The following SORCS2 variants were observed in gnomAD, a reference collection of about 807,000 sequenced individuals.
SORCS2 encodes sortilin related VPS10 domain containing receptor 2, also known as VPS10 domain-containing receptor SorCS2.
A neutral mutation model predicts 141.6 loss-of-function variants in SORCS2; 100 were observed. The observed-to-expected ratio is 0.71, with a 90% CI of 0.60 to 0.83. The LOEUF (loss-of-function observed/expected upper bound fraction) is 0.83, where lower values mean the gene tolerates loss of function less well. SORCS2 is among the 40% of genes least tolerant of loss of function. The probability of loss-of-function intolerance (pLI) is 0.00; values close to 1 mark genes in which losing one functional copy is unlikely to be tolerated. For missense variants in SORCS2, 1,646 were observed against 1,560.2 expected, an observed-to-expected ratio of 1.05 and a Z score of -0.93; for synonymous variants, 789 against 676.9, an observed-to-expected ratio of 1.17 and a Z score of -2.57.
chr4:7,702,447 C>T (rs111887501), intron 12 of SORCS2, among the ~76,000 whole-genome samples: 2 of 152,214 alleles, frequency 1.3e-5, no homozygotes, highest in African/African-American at 2.4e-5. Flanking sequence ...AGCTGTGAGG[C>T]CTTAGCATAC....
chr4:7,517,595 T>C (rs1161487536), intron 2 of SORCS2, among the ~76,000 whole-genome samples: 1 of 152,228 alleles, frequency 6.6e-6, no homozygotes, highest in African/African-American at 2.4e-5. Flanking sequence ...GAAAATGTTA[T>C]CATTTTGTTC....
intron 1 of SORCS2, among the ~76,000 whole-genome samples, chr4:7,266,834 C>T (rs963679655): frequency 2.0e-5 from 3 of 152,222 alleles, no homozygotes; most frequent in African/African-American, 7.2e-5. Flanking sequence ...AAGCCTAAAA[C>T]ACCAGGGTCA....
At chr4:7,456,715 T>C (rs1304936098) in intron 2 of SORCS2, among the ~76,000 whole-genome samples, 2 of 152,186 alleles carry the variant, frequency 1.3e-5, no homozygotes, top group African/African-American at 2.4e-5. Context: ...CAGAGGGAAC[T>C]GCTGCTCAGT....
At chr4:7,585,037 A>C (rs1716444758) in intron 3 of SORCS2, among the ~76,000 whole-genome samples, 1 of 152,214 alleles carries the variant, frequency 6.6e-6, no homozygotes, top group Admixed American at 6.5e-5. Flanking sequence ...GAGAAAGAGC[A>C]GCCGTTCTGT....
chr4:7,233,819 G>C lies in SORCS2; in HGVS notation c.480+40693G>C, dbSNP rs527435166. 6.6e-6 allele frequency among the ~76,000 whole-genome samples: 1 copy of C among 152,174 alleles called. No individual in the cohort carries two copies. Among genetic ancestry groups the C allele is most frequent in the Non-Finnish European group, 1.5e-5 (1 of 68,038 alleles). On this transcript the variant is annotated intron_variant, in intron 1 of 26. Transcript: ENST00000507866. The surrounding 1 kb of genome is among the most constrained non-coding windows in gnomAD (Gnocchi z 4.5). ...TCCTGTCTGTAAAATGGGTGCCGTGGTGCAAACATCAGAGGGTGGTGGGGA... is the reference window on the plus strand; with the variant it reads ...TCCTGTCTGTAAAATGGGTGCCGTGCTGCAAACATCAGAGGGTGGTGGGGA...
rs533890705 is a variant in SORCS2 at position 7,265,362 on chromosome 4, G to A, written c.480+72236G>A. Among the ~76,000 whole-genome samples the A allele has an allele frequency of 1.1e-3, 164 of 152,298 alleles. 1 individual carries two copies. The highest frequency in any genetic ancestry group is 1.9e-3 in the Non-Finnish European group (129 of 68,026). ...AAAAATTAGCTGGGCATGCTGGTGT[G>A]TGCCTGTGGTCCCAGCTACTCAGGA... is the stretch of plus-strand genomic sequence containing the variant. On this transcript the variant is annotated intron_variant, in intron 1 of 26. Coordinates refer to ENST00000507866, the MANE Select transcript of SORCS2 (RefSeq NM_020777.3).
chr4:7,661,625 C>T lies in SORCS2; in HGVS notation c.952+61C>T, dbSNP rs891792648. On this transcript the variant is annotated intron_variant, in intron 6 of 26. Coordinates refer to ENST00000507866, the MANE Select transcript of SORCS2 (RefSeq NM_020777.3). ...GAGTCACCTCGCACCCGACACAGCT[C>T]GGCTGCACGTGTGTTCAGTCGCTTG... 9.4e-5 allele frequency: 139 copies of T among 1,477,292 alleles called. 1 individual carries two copies. Among genetic ancestry groups the T allele is most frequent in the Middle Eastern group, 3.4e-4 (2 of 5,822 alleles). 91.5% of individuals were successfully genotyped at this position (1,477,292 alleles called of 1,614,324 possible).
chr4:7,290,678 CAT>C (rs1716538696), intron 1 of SORCS2, among the ~76,000 whole-genome samples: 1 of 152,188 alleles, frequency 6.6e-6, no homozygotes, highest in Non-Finnish European at 1.5e-5. Flanking sequence ...TGTATGCACA[CAT>C]GTGCATTATG....
chr4:7,532,000 G>C (rs555696559), intron 3 of SORCS2, among the ~76,000 whole-genome samples: 3 of 152,228 alleles, frequency 2.0e-5, no homozygotes, highest in Non-Finnish European at 2.9e-5. Flanking sequence ...GAGCAGGCCC[G>C]TTCTTCGGAA....
intron 12 of SORCS2, among the ~76,000 whole-genome samples, 152 bp from the exon 13 acceptor site, chr4:7,703,128 C>T (rs1398201082): frequency 6.6e-6 from 1 of 152,126 alleles, no homozygotes; most frequent in Non-Finnish European, 1.5e-5. Context: ...CGGGGATGGC[C>T]CGGGACATGC....
intron 1 of SORCS2, among the ~76,000 whole-genome samples, chr4:7,220,857 G>A (rs763423543): frequency 4.6e-5 from 7 of 152,144 alleles, no homozygotes; most frequent in Admixed American, 1.3e-4. Flanking sequence ...CACACCCCAC[G>A]TTTAATTCCT....
In SORCS2 at chr4:7,304,895, T is replaced by G. The variant is rs147311721; in HGVS notation, c.481-91393T>G. ...AGCATTTCCAATGTTTGGGGCTGGG[T>G]TGTCCTGGGGGCAACGCCACTGAGG... On this transcript the variant is annotated intron_variant, in intron 1 of 26. Transcript: ENST00000507866. 4.9e-3 allele frequency among the ~76,000 whole-genome samples: 754 copies of G among 152,344 alleles called. 6 individuals are homozygous for G. Among genetic ancestry groups the G allele is most frequent in the African/African-American group, 0.017 (711 of 41,584 alleles).
In SORCS2 at chr4:7,431,314, C is replaced by T. The variant is rs958268644; in HGVS notation, c.548+34959C>T. ...CACCCTGACCACCCACTGCAGGTAG[C>T]TCTGGGGTGGGGGCAGGTGGGCTGA... On this transcript the variant is annotated intron_variant, in intron 2 of 26. Transcript: ENST00000507866. 3 of 152,470 alleles carry T rather than the reference C, an allele frequency of 2.0e-5. No homozygotes were observed. The South Asian group carries it at 6.2e-4, about 32-fold the overall frequency. The allele number at this position is 152,470 out of a possible 1,614,324, so 9.4% of individuals were successfully genotyped here.
Position 7,448,259 on chromosome 4 carries a change from G to C in SORCS2, c.548+51904G>C, listed in dbSNP as rs142833473. On this transcript the variant is annotated intron_variant, in intron 2 of 26. Coordinates refer to ENST00000507866, the MANE Select transcript of SORCS2 (RefSeq NM_020777.3). Reference sequence around the variant, plus strand: ...CGCCTGGAGGTGGAACTGCGGCGCAGGGCAAGGGGCATCTCCCACGTCACC... The same window carrying C: ...CGCCTGGAGGTGGAACTGCGGCGCACGGCAAGGGGCATCTCCCACGTCACC... Among the ~76,000 whole-genome samples, 355 of 152,208 alleles carry C rather than the reference G, an allele frequency of 2.3e-3. 1 individual carries two copies. Among genetic ancestry groups the C allele is most frequent in the African/African-American group, 7.9e-3 (328 of 41,522 alleles).
chr4:7,679,613 C>T (rs901141733), intron 9 of SORCS2, among the ~76,000 whole-genome samples: 4 of 152,118 alleles, frequency 2.6e-5, no homozygotes, highest in East Asian at 1.9e-4. Flanking sequence ...GGGCTGGAGG[C>T]GCGGAGGTGG....
At chr4:7,270,582 T>G (rs1715057060) in intron 1 of SORCS2, among the ~76,000 whole-genome samples, 1 of 152,240 alleles carries the variant, frequency 6.6e-6, no homozygotes. Context: ...GTCTGGGGAC[T>G]AATTGTTGCT....
chr4:7,551,755 G>A (rs538940671), intron 3 of SORCS2, among the ~76,000 whole-genome samples: 2 of 152,288 alleles, frequency 1.3e-5, no homozygotes, highest in African/African-American at 4.8e-5. Flanking sequence ...GGCAGCACGC[G>A]AGCCAAGCTC....
chr4:7,550,959 G>A (rs2109632054), intron 3 of SORCS2, among the ~76,000 whole-genome samples: 1 of 152,238 alleles, frequency 6.6e-6, no homozygotes, highest in East Asian at 1.9e-4. Context: ...GTGTCTTTTT[G>A]GTAAGCCCAT....
chr4:7,342,849 T>G (rs1039056348), intron 1 of SORCS2, among the ~76,000 whole-genome samples: 19 of 152,326 alleles, frequency 1.2e-4, no homozygotes, highest in South Asian at 8.3e-4. Context: ...TAATTTGATC[T>G]CTTCCGTTGT....
Sources: gnomAD v4.1 joint callset for allele counts (sites outside exome capture counted in the v4.1 genomes callset) on GRCh38, gnomAD v4.1.1 for gene constraint, Gnocchi (gnomAD v3.1) non-coding constraint, MANE v1.5 for transcripts, NCBI Gene and HGNC (gene_info 2026-07-23, HGNC 2026-07-21) for gene names.